The following FBXL17 variants were observed in gnomAD, a reference collection of about 807,000 sequenced individuals.
The protein encoded by FBXL17 is F-box/LRR-repeat protein 17.
Under a neutral mutation model 66.2 loss-of-function variants are expected in FBXL17, and 22 were observed. That is an observed-to-expected ratio of 0.33 (90% confidence interval 0.24 to 0.47). FBXL17 has a LOEUF of 0.47. Among genes scored for constraint, FBXL17 ranks in the 20% least tolerant of loss-of-function variants. FBXL17 has a pLI of 1.00. For synonymous variants in FBXL17, 474 were observed against 400.5 expected (o/e 1.18, Z -2.19); for missense variants, 878 against 948.2 (o/e 0.93, Z 0.97).
At chr5:108,048,105 G>A (rs975902451) in intron 6 of FBXL17, among the ~76,000 whole-genome samples, 14 of 152,318 alleles carry the variant, frequency 9.2e-5, no homozygotes, top group African/African-American at 3.4e-4. Context: ...AGCCATCTGT[G>A]CTGTTCTCCA....
chr5:108,298,478 C>CTT, intron 4 of FBXL17: 1 of 973,446 alleles, frequency 1.0e-6, no homozygotes, highest in African/African-American at 1.8e-5. Flanking sequence ...CTGAAAGCAT[C>CTT]TAAAGCCCTA....
chr5:107,913,888 C>T (rs1011734599), intron 7 of FBXL17, among the ~76,000 whole-genome samples: 1 of 151,530 alleles, frequency 6.6e-6, no homozygotes, highest in South Asian at 2.1e-4. Context: ...ATGTGCCACA[C>T]GGGATTGAAA....
chr5:108,167,254 G>A (rs1043639878), intron 6 of FBXL17, among the ~76,000 whole-genome samples: 3 of 152,086 alleles, frequency 2.0e-5, no homozygotes, highest in Admixed American at 2.0e-4. Flanking sequence ...TTTGATTTAA[G>A]ACCTTCACTG....
intron 4 of FBXL17, among the ~76,000 whole-genome samples, chr5:108,238,900 T>C (rs550635507): frequency 5.3e-5 from 8 of 152,308 alleles, no homozygotes; most frequent in South Asian, 4.1e-4. Context: ...AGTAAATTAG[T>C]ACAAAATATT....
chr5:107,935,761 A>C (rs192430721), intron 7 of FBXL17, among the ~76,000 whole-genome samples: 118 of 152,258 alleles, frequency 7.7e-4, no homozygotes, highest in African/African-American at 2.7e-3. Context: ...AAATGCCAGC[A>C]CCAGCTTGTC....
intron 8 of FBXL17, chr5:107,880,810 T>C (rs1748763843): frequency 2.2e-6 from 3 of 1,354,160 alleles, no homozygotes; most frequent in African/African-American, 1.5e-5. Context: ...TTTTTCTTTC[T>C]ACTTAAGCAC....
chr5:108,251,100 T>C (rs1023880213), intron 4 of FBXL17, among the ~76,000 whole-genome samples: 3 of 152,114 alleles, frequency 2.0e-5, no homozygotes, highest in South Asian at 2.1e-4. Flanking sequence ...TCTGCAATAA[T>C]TTCTTGCAGT....
chr5:108,070,648 T>C (rs904230108), intron 6 of FBXL17, among the ~76,000 whole-genome samples: 8 of 152,204 alleles, frequency 5.3e-5, no homozygotes, highest in African/African-American at 1.9e-4. Flanking sequence ...TCAGCATTTC[T>C]GAAAACATAG....
At chr5:108,250,207 G>C (rs770551520) in intron 4 of FBXL17, among the ~76,000 whole-genome samples, 1 of 152,016 alleles carries the variant, frequency 6.6e-6, no homozygotes, top group African/African-American at 2.4e-5. Context: ...CACTAAAAAC[G>C]TAATTTTTCA....
intron 7 of FBXL17, among the ~76,000 whole-genome samples, chr5:107,974,102 C>T (rs1018195999): frequency 2.6e-5 from 4 of 152,086 alleles, no homozygotes; most frequent in African/African-American, 7.2e-5. Flanking sequence ...GTGATCTTTA[C>T]TACACTGTTT....
chr5:108,199,400 T>C (rs1339347496), intron 5 of FBXL17, among the ~76,000 whole-genome samples: 2 of 152,206 alleles, frequency 1.3e-5, no homozygotes, highest in African/African-American at 4.8e-5. Flanking sequence ...AGATTGACAT[T>C]ATAGATTACA....
intron 7 of FBXL17, among the ~76,000 whole-genome samples, chr5:107,951,419 G>A (rs1751493886): frequency 6.6e-6 from 1 of 152,202 alleles, no homozygotes; most frequent in South Asian, 2.1e-4. Context: ...AACTGCCAGT[G>A]CATTCTGGCA....
chr5:108,104,285 CCTTGGCCTCCCAAAGTG>C, intron 6 of FBXL17, among the ~76,000 whole-genome samples: 1 of 152,314 alleles, frequency 6.6e-6, no homozygotes, highest in East Asian at 1.9e-4. Context: ...GATCTGCCTG[CCTTGGCCTCCCAAAGTG>C]CTGGGATTAC....
chr5:108,354,099 A>C (rs890860909), intron 3 of FBXL17, among the ~76,000 whole-genome samples: 1 of 152,188 alleles, frequency 6.6e-6, no homozygotes, highest in Admixed American at 6.5e-5. Context: ...AAAAGTTTCC[A>C]ATCTTGGAAC....
At chr5:108,334,023 C>T (rs1348360827) in intron 4 of FBXL17, among the ~76,000 whole-genome samples, 3 of 152,134 alleles carry the variant, frequency 2.0e-5, no homozygotes, top group African/African-American at 4.8e-5. Context: ...AGTTTGATGA[C>T]TTGTAAAGCC....
rs5870289 is a variant in FBXL17 at position 107,931,556 on chromosome 5, A to AT, written c.1823-50378dup. ...TGGGATTACAGGCATGAGGCTGAGA[A>AT]TTTTTTTTTTAATTGAGTGATTTAT... On this transcript the variant is annotated intron_variant, in intron 7 of 8. Transcript: ENST00000542267. 5.6e-3 allele frequency among the ~76,000 whole-genome samples: 845 copies of AT among 151,012 alleles called. 9 individuals carry two copies. Among genetic ancestry groups the AT allele is most frequent in the African/African-American group, 0.02 (807 of 41,090 alleles).
At chr5:108,003,628 T>C (rs1753819247) in intron 7 of FBXL17, among the ~76,000 whole-genome samples, 1 of 152,176 alleles carries the variant, frequency 6.6e-6, no homozygotes, top group African/African-American at 2.4e-5. Flanking sequence ...AACATGTTAC[T>C]ATAAAAAAGA....
intron 4 of FBXL17, among the ~76,000 whole-genome samples, chr5:108,327,102 A>C (rs1047314475): frequency 3.9e-5 from 6 of 152,250 alleles, no homozygotes; most frequent in African/African-American, 1.4e-4. Context: ...ATGGATGAGC[A>C]CATTGTTTTA....
rs563373053 is a variant in FBXL17 at position 107,919,268 on chromosome 5, C to T, written c.1823-38089G>A. Among the ~76,000 whole-genome samples, 4 of 152,288 alleles carry T rather than the reference C, an allele frequency of 2.6e-5. No homozygotes were observed. In the East Asian group the frequency reaches 7.7e-4, roughly 29 times the overall value. ...CTTACACCCATATTTGATCCATTAG[C>T]ATGTCCTGTTGGCTCCGCTTTCCAT... On this transcript the variant is annotated intron_variant, in intron 7 of 8. Transcript: ENST00000542267.
Sources: gnomAD v4.1 joint callset for allele counts (sites outside exome capture counted in the v4.1 genomes callset) on GRCh38, gnomAD v4.1.1 for gene constraint, MANE v1.5 for transcripts, NCBI Gene and HGNC (gene_info 2026-07-23, HGNC 2026-07-21) for gene names.